MYO1B: variants seen among roughly 807,000 people sequenced by gnomAD.
MYO1B encodes the protein myosin IB, also known as unconventional myosin-Ib.
In MYO1B, 72 loss-of-function variants were observed where a neutral mutation model predicts 159.7. The ratio of observed to expected loss-of-function variants is 0.45; its 90% CI spans 0.37 to 0.55. The LOEUF is 0.55. MYO1B is among the 20% of genes least tolerant of loss of function. The probability of loss-of-function intolerance (pLI) is 0.00; values close to 1 mark genes in which losing one functional copy is unlikely to be tolerated. For missense variants in MYO1B, 1,062 were observed against 1,364.8 expected (o/e 0.78, Z 3.50); for synonymous variants, 468 against 473.8 (o/e 0.99, Z 0.16).
intron 2 of MYO1B, among the ~76,000 whole-genome samples, chr2:191,280,565 A>T (rs917035265): frequency 2.6e-5 from 4 of 152,100 alleles, no homozygotes; most frequent in African/African-American, 4.8e-5. Context: ...CCTGAGATTT[A>T]CCTTGGTTAG....
chr2:191,288,024 A>T (rs1419760901), intron 2 of MYO1B, among the ~76,000 whole-genome samples: 1 of 152,038 alleles, frequency 6.6e-6, no homozygotes, highest in Non-Finnish European at 1.5e-5. Context: ...TCTGTATTCT[A>T]GCATGTGTCA....
At chr2:191,332,970 T>C (rs140262220) in intron 4 of MYO1B, among the ~76,000 whole-genome samples, 233 of 152,346 alleles carry the variant, frequency 1.5e-3, no homozygotes, top group Non-Finnish European at 3.0e-3. Flanking sequence ...AGTCAGTACA[T>C]ATTTAAATAA....
intron 4 of MYO1B, among the ~76,000 whole-genome samples, chr2:191,339,612 A>T (rs896357073): frequency 2.0e-5 from 3 of 152,192 alleles, no homozygotes; most frequent in Non-Finnish European, 4.4e-5. Context: ...ACCTATTTGG[A>T]TTCCTTTTCA....
intron 1 of MYO1B, among the ~76,000 whole-genome samples, chr2:191,274,895 G>T (rs1160321174): frequency 1.3e-5 from 2 of 151,780 alleles, no homozygotes; most frequent in Non-Finnish European, 2.9e-5. Flanking sequence ...GTGGTATCTG[G>T]GACTTTTCTT....
chr2:191,360,701 G>T lies in MYO1B; in HGVS notation c.633G>T (p.Leu211=). The T allele has an allele frequency of 6.2e-7, 1 of 1,612,960 alleles. No homozygotes were observed. Among genetic ancestry groups the T allele is most frequent in the Non-Finnish European group, 8.5e-7 (1 of 1,179,330 alleles). ...GAAACTTCCATGTGTTCTATCAGCT[G>T]CTCTCTGGTGCCTCTGAAGAGCTCC... The part of the protein sequence containing the change: ...GERNFHVFYQ[L]LSGASEELLN... Residue 211 remains leucine (L), a synonymous_variant, in exon 8 of 31, where the codon CTG becomes CTT. Coordinates refer to ENST00000392318, the MANE Select transcript of MYO1B (RefSeq NM_001130158.3).
At chr2:191,358,706 CGCTTGTCATCATT>C (rs1237776704) in intron 7 of MYO1B, among the ~76,000 whole-genome samples, 1 of 152,172 alleles carries the variant, frequency 6.6e-6, no homozygotes, top group African/African-American at 2.4e-5. Flanking sequence ...GCCAAACAAT[CGCTTGTCATCATT>C]ATAAGGTGCC....
intron 15 of MYO1B, among the ~76,000 whole-genome samples, chr2:191,384,541 ATC>A (rs762226424): frequency 6.6e-6 from 1 of 152,222 alleles, no homozygotes; most frequent in Admixed American, 6.5e-5. Context: ...GTTTCAAAAA[ATC>A]TGAACAATAT....
intron 13 of MYO1B, among the ~76,000 whole-genome samples, chr2:191,374,740 C>G (rs1694592449): frequency 6.6e-6 from 1 of 152,124 alleles, no homozygotes; most frequent in Non-Finnish European, 1.5e-5. Context: ...GAAAAAAAAT[C>G]TAGCTGTACA....
intron 13 of MYO1B, among the ~76,000 whole-genome samples, chr2:191,380,268 GA>G (rs1559216984): frequency 6.6e-6 from 1 of 152,186 alleles, no homozygotes; most frequent in Non-Finnish European, 1.5e-5. Context: ...TCAACTTTCA[GA>G]AGACTCTGTG....
chr2:191,316,713 G>A (rs548379681), intron 3 of MYO1B, among the ~76,000 whole-genome samples: 2 of 152,266 alleles, frequency 1.3e-5, no homozygotes, highest in Admixed American at 1.3e-4. Context: ...CTGTCAGCAA[G>A]CCTACCATTG....
At chr2:191,271,422 C>T (rs1197880501) in intron 1 of MYO1B, among the ~76,000 whole-genome samples, 2 of 151,946 alleles carry the variant, frequency 1.3e-5, no homozygotes, top group Non-Finnish European at 2.9e-5. Flanking sequence ...GCCTGCAATC[C>T]CAGCACTTTG....
intron 2 of MYO1B, among the ~76,000 whole-genome samples, chr2:191,293,208 A>G (rs190723054): frequency 1.3e-5 from 2 of 152,358 alleles, no homozygotes; most frequent in African/African-American, 2.4e-5. Flanking sequence ...AGAAATTCCA[A>G]TTGAAGGAGT....
intron 3 of MYO1B, among the ~76,000 whole-genome samples, chr2:191,312,969 T>G (rs1301820268): frequency 6.6e-6 from 1 of 152,172 alleles, no homozygotes; most frequent in Non-Finnish European, 1.5e-5. Context: ...TGAGTGTGTT[T>G]GAGACCTTGT....
chr2:191,399,014 G>A (rs1327395840), intron 21 of MYO1B, among the ~76,000 whole-genome samples: 3 of 152,216 alleles, frequency 2.0e-5, no homozygotes, highest in Non-Finnish European at 4.4e-5. Context: ...CTGCAATCCC[G>A]GCACCTCGGG....
intron 9 of MYO1B, 148 bp from the exon 10 acceptor site, chr2:191,363,580 C>T: frequency 9.1e-7 from 1 of 1,093,972 alleles, no homozygotes; most frequent in East Asian, 2.7e-5. Flanking sequence ...CCCAGGGTTC[C>T]TCGAATCACA....
Position 191,360,754 on chromosome 2 carries a change from T to G in MYO1B, c.661+25T>G, listed in dbSNP as rs59083559. The G allele has an allele frequency of 6.3e-3, 5,050 of 796,700 alleles. 16 individuals are homozygous for G. Among genetic ancestry groups the G allele is most frequent in the South Asian group, 8.3e-3 (416 of 50,080 alleles). 49.4% of individuals were successfully genotyped at this position (796,700 alleles called of 1,614,324 possible). ...AGTAAGTCTCTGTTTCTATGTGGTG[T>G]TGTTGTTGTTGTTGTTGTTGTTGTT... On this transcript the variant is annotated intron_variant, in intron 8 of 30. Transcript: ENST00000392318.
At chr2:191,255,273 T>C (rs1435635002) in intron 1 of MYO1B, among the ~76,000 whole-genome samples, 2 of 152,156 alleles carry the variant, frequency 1.3e-5, no homozygotes, top group Non-Finnish European at 2.9e-5. Flanking sequence ...TGGTTTCTGC[T>C]CTCATGAATG....
chr2:191,331,392 T>A (rs1235039072), intron 4 of MYO1B, among the ~76,000 whole-genome samples: 1 of 152,192 alleles, frequency 6.6e-6, no homozygotes, highest in African/African-American at 2.4e-5. Flanking sequence ...CCCCCTGGAT[T>A]TGTTGTACAG....
At chr2:191,268,804 T>C (rs1687292155) in intron 1 of MYO1B, among the ~76,000 whole-genome samples, 1 of 152,192 alleles carries the variant, frequency 6.6e-6, no homozygotes, top group African/African-American at 2.4e-5. Flanking sequence ...TGTGTCCTGC[T>C]GGCAGATCTT....
Sources: allele counts gnomAD v4.1 joint callset (sites outside exome capture counted in the v4.1 genomes callset), GRCh38; gene constraint gnomAD v4.1.1; transcripts MANE v1.5; gene names NCBI Gene and HGNC (gene_info 2026-07-23, HGNC 2026-07-21).